PAPSS2: variants seen among roughly 807,000 people sequenced by gnomAD.
The protein encoded by PAPSS2 is 3'-phosphoadenosine 5'-phosphosulfate synthase 2, also known as bifunctional 3'-phosphoadenosine 5'-phosphosulfate synthase 2.
In PAPSS2, 61 loss-of-function variants were observed where a neutral mutation model predicts 66.5. The ratio of observed to expected loss-of-function variants is 0.92; its 90% CI spans 0.75 to 1.14. The LOEUF (loss-of-function observed/expected upper bound fraction) is 1.14, where lower values mean the gene tolerates loss of function less well. PAPSS2 is among the 50% of genes most tolerant of loss of function. The pLI, the probability that PAPSS2 is intolerant of heterozygous loss-of-function variation, is 0.00. For synonymous variants in PAPSS2, 289 were observed against 287.5 expected (o/e 1.01, Z -0.05); for missense variants, 708 against 789.6 (o/e 0.90, Z 1.24).
chr10:87,727,052 T>C (rs992977934), intron 8 of PAPSS2, among the ~76,000 whole-genome samples: 1 of 152,202 alleles, frequency 6.6e-6, no homozygotes, highest in Non-Finnish European at 1.5e-5. Flanking sequence ...ACCTCCATGA[T>C]TTAAAACTCA....
chr10:87,720,663 G>T (rs1176196417), intron 7 of PAPSS2, among the ~76,000 whole-genome samples: 7 of 151,810 alleles, frequency 4.6e-5, no homozygotes, highest in Admixed American at 3.9e-4. Flanking sequence ...AAAATATTTT[G>T]TTGGTTTTAA....
intron 1 of PAPSS2, among the ~76,000 whole-genome samples, chr10:87,697,534 C>T (rs1327062413): frequency 2.0e-5 from 3 of 152,186 alleles, no homozygotes; most frequent in Non-Finnish European, 4.4e-5. Flanking sequence ...AGGTTGATTA[C>T]ATAGAATTGT....
chr10:87,723,006 G>C (rs1185863519), intron 8 of PAPSS2, among the ~76,000 whole-genome samples: 1 of 152,194 alleles, frequency 6.6e-6, no homozygotes, highest in South Asian at 2.1e-4. Flanking sequence ...GAATCTAGTG[G>C]ACAAGAGGAG....
intron 1 of PAPSS2, among the ~76,000 whole-genome samples, chr10:87,668,076 C>T (rs114539386): frequency 6.6e-6 from 1 of 152,130 alleles, no homozygotes; most frequent in African/African-American, 2.4e-5. Context: ...TCCCTATAAA[C>T]TTTATTCTTC....
chr10:87,733,588 A>G (rs1474344694), intron 9 of PAPSS2, among the ~76,000 whole-genome samples: 1 of 152,142 alleles, frequency 6.6e-6, no homozygotes, highest in Admixed American at 6.5e-5. Context: ...GGTTAGTTAT[A>G]TCAACAGAAT....
Position 87,743,631 on chromosome 10 carries a change from G to A in PAPSS2, c.1481G>A (p.Gly494Asp). 1 of 1,614,128 alleles carries A rather than the reference G, an allele frequency of 6.2e-7. No individual in the cohort carries two copies. The highest frequency in any genetic ancestry group is 8.5e-7 in the Non-Finnish European group (1 of 1,179,988). Residue 494 changes from glycine to aspartate, a missense_variant, in exon 11 of 13, where the codon GGC (glycine) becomes GAC (aspartate). Gly to Asp is a moderately conservative substitution (Grantham distance 94, BLOSUM62 -1). Coordinates refer to ENST00000456849, the MANE Select transcript of PAPSS2 (RefSeq NM_001015880.2). ...TTTCCGTCTCCCATGTTATATGCTG[G>A]CCCCACAGAGGTGAGCAATTCCCAG... ...AIFPSPMLYA[G>D]PTEVQWHCRS...
At position 87,730,989 on chromosome 10, in the gene PAPSS2, C is replaced by T. The variant is rs115635214; in HGVS notation, c.1086+3500C>T. ...TAGCTAAGATCATTGATGTAGGTGG[C>T]TACACTAACAACAGATTTTCAGTGT... On this transcript the variant is annotated intron_variant, in intron 9 of 12. Transcript: ENST00000456849. Among the ~76,000 whole-genome samples, 316 of 152,348 alleles carry T rather than the reference C, an allele frequency of 2.1e-3. 1 individual carries two copies. Among genetic ancestry groups the T allele is most frequent in the African/African-American group, 7.2e-3 (298 of 41,582 alleles).
intron 1 of PAPSS2, among the ~76,000 whole-genome samples, chr10:87,679,651 A>G (rs889333778): frequency 1.3e-5 from 2 of 152,160 alleles, no homozygotes; most frequent in African/African-American, 4.8e-5. Context: ...GACAAGCGAA[A>G]ACCTAGGGGA....
intron 1 of PAPSS2, among the ~76,000 whole-genome samples, chr10:87,691,140 C>A (rs1437084863): frequency 1.3e-5 from 2 of 152,140 alleles, no homozygotes; most frequent in Non-Finnish European, 2.9e-5. Flanking sequence ...AAATATTTCC[C>A]ATTCTTATGA....
At chr10:87,697,112 C>T (rs573598316) in intron 1 of PAPSS2, among the ~76,000 whole-genome samples, 1 of 152,316 alleles carries the variant, frequency 6.6e-6, no homozygotes, top group African/African-American at 2.4e-5. Flanking sequence ...ATTTCTCAGC[C>T]TTTCCTTGGT....
chr10:87,696,729 A>G (rs1853239713), intron 1 of PAPSS2, among the ~76,000 whole-genome samples: 2 of 152,238 alleles, frequency 1.3e-5, no homozygotes, highest in African/African-American at 4.8e-5. Context: ...ATCACGAAGG[A>G]TAAAGAATCC....
chr10:87,718,347 A>G (rs1455224592), intron 7 of PAPSS2, among the ~76,000 whole-genome samples: 3 of 151,944 alleles, frequency 2.0e-5, no homozygotes, highest in Non-Finnish European at 4.4e-5. Flanking sequence ...TTGATTTTCT[A>G]TTTCTTATTT....
Position 87,728,570 on chromosome 10 carries a change from T to A in PAPSS2, c.1086+1081T>A, listed in dbSNP as rs371196222. Among the ~76,000 whole-genome samples the A allele has an allele frequency of 1.7e-4, 26 of 152,250 alleles. No homozygotes were observed. The South Asian group carries it at 4.6e-3, about 27-fold the overall frequency. ...GCCTGGCCAACATGGTGAAACCCCG[T>A]CTCTACTAAAAATACAGATATTAGC... On this transcript the variant is annotated intron_variant, in intron 9 of 12. Transcript: ENST00000456849.
chr10:87,699,946 G>A (rs2131921286), intron 1 of PAPSS2, among the ~76,000 whole-genome samples: 1 of 151,950 alleles, frequency 6.6e-6, no homozygotes, highest in African/African-American at 2.4e-5. Flanking sequence ...AAGGAAAATA[G>A]TTACCTAAAA....
chr10:87,662,278 C>G (rs114869673), intron 1 of PAPSS2, among the ~76,000 whole-genome samples: 2,631 of 152,262 alleles, frequency 0.017, 76 homozygotes, highest in African/African-American at 0.06. Context: ...GGAGATACCT[C>G]TTTTCCAGGT....
chr10:87,743,567 G>T lies in PAPSS2; in HGVS notation c.1417G>T (p.Glu473Ter), dbSNP rs528197652. The T allele has an allele frequency of 3.7e-6, 6 of 1,614,178 alleles. No homozygotes were observed. Among genetic ancestry groups the T allele is most frequent in the Non-Finnish European group, 5.1e-6 (6 of 1,180,008 alleles). ...RMKQHAAVLE[E>*]GVLDPKSTIV... ...GAAGCAGCACGCGGCTGTGCTCGAG[G>T]AAGGGGTCCTGGATCCCAAGTCAAC... Residue 473 changes from glutamate to a stop codon, truncating the protein, a stop_gained, in exon 11 of 13, where the codon GAA becomes TAA. Coordinates refer to ENST00000456849, the MANE Select transcript of PAPSS2 (RefSeq NM_001015880.2). LOFTEE classifies it high-confidence loss of function.
intron 1 of PAPSS2, among the ~76,000 whole-genome samples, chr10:87,662,030 C>T (rs1463429706): frequency 3.3e-5 from 5 of 152,224 alleles, no homozygotes; most frequent in Admixed American, 3.3e-4. Context: ...AAAGCAAAAT[C>T]TGTCCGCTTG....
chr10:87,741,867 C>T (rs1853874546), intron 10 of PAPSS2, among the ~76,000 whole-genome samples: 3 of 152,210 alleles, frequency 2.0e-5, no homozygotes, highest in Admixed American at 1.3e-4. Flanking sequence ...AGTAATTCTC[C>T]AACCTTAACC....
intron 1 of PAPSS2, among the ~76,000 whole-genome samples, chr10:87,681,287 C>T (rs886539269): frequency 6.6e-6 from 1 of 152,194 alleles, no homozygotes; most frequent in Admixed American, 6.5e-5. Context: ...TAATGCAGCT[C>T]AGCCCTGGCT....
Sources: allele counts gnomAD v4.1 joint callset (sites outside exome capture counted in the v4.1 genomes callset), GRCh38; gene constraint gnomAD v4.1.1; transcripts MANE v1.5; gene names NCBI Gene and HGNC (gene_info 2026-07-23, HGNC 2026-07-21).